The following PRKCZ variants were observed in gnomAD, a reference collection of about 807,000 sequenced individuals.
PRKCZ encodes the protein protein kinase C zeta type.
PRKCZ carries 33 observed loss-of-function variants against 79.5 expected under a neutral mutation model. The observed-to-expected ratio is 0.41, with a 90% CI of 0.31 to 0.55. PRKCZ has a LOEUF of 0.55. Ranked by LOEUF, PRKCZ falls within the 20% of genes least tolerant of loss-of-function variation. The pLI is 0.19. For missense variants in PRKCZ, 578 were observed against 813.5 expected (o/e 0.71, Z 3.52); for synonymous variants, 342 against 320.9 (o/e 1.07, Z -0.70).
intron 4 of PRKCZ, chr1:2,134,930 G>C (rs1349074057): frequency 5.4e-6 from 1 of 186,356 alleles, no homozygotes; most frequent in South Asian, 1.3e-4. Context: ...GGGGACAGAC[G>C]GACCCGGCCT....
chr1:2,134,929 C>T (rs779591423), intron 4 of PRKCZ: 10 of 184,984 alleles, frequency 5.4e-5, no homozygotes, highest in East Asian at 1.4e-4. Flanking sequence ...AGGGGACAGA[C>T]GGACCCGGCC....
upstream of PRKCZ, chr1:2,049,365 C>T (rs1001027851): frequency 6.6e-6 from 1 of 152,214 alleles, no homozygotes; most frequent in Non-Finnish European, 1.5e-5. Context: ...AAAACGACAG[C>T]TTCTGCGTAG....
At chr1:2,076,701 C>T (rs112575142) in intron 4 of PRKCZ, among the ~76,000 whole-genome samples, 2,055 of 151,374 alleles carry the variant, frequency 0.014, 41 homozygotes, top group African/African-American at 0.047. Context: ...AAGATTGCGC[C>T]ACCGCACTCC....
At chr1:2,164,916 A>G (rs1485271021) in intron 10 of PRKCZ, among the ~76,000 whole-genome samples, 1 of 151,892 alleles carries the variant, frequency 6.6e-6, no homozygotes. Flanking sequence ...CCTCTGCTCA[A>G]CTTCACCCCA....
rs111850963 is a variant in PRKCZ, at chr1:2,157,633, T to A, written c.974+1541T>A. ...GTTGGCCAGGCGGGTCTCGAACTCCTGACCTCAAGCCATCTGCCCTCTGCA... is the reference window on the plus strand; with the variant it reads ...GTTGGCCAGGCGGGTCTCGAACTCCAGACCTCAAGCCATCTGCCCTCTGCA... On this transcript the variant is annotated intron_variant, in intron 10 of 17. Transcript: ENST00000378567. Among the ~76,000 whole-genome samples, 264 of 152,030 alleles carry A rather than the reference T, an allele frequency of 1.7e-3. 1 individual carries two copies. Among genetic ancestry groups the A allele is most frequent in the African/African-American group, 6.2e-3 (257 of 41,484 alleles).
chr1:2,122,665 G>A (rs1221555405), intron 4 of PRKCZ, among the ~76,000 whole-genome samples: 2 of 10,182 alleles, frequency 2.0e-4, no homozygotes, highest in African/African-American at 1.5e-3. Context: ...GGTTAGGGTC[G>A]TGGCGGTGGT....
chr1:2,074,120 G>A, intron 4 of PRKCZ: 1 of 1,523,218 alleles, frequency 6.6e-7, no homozygotes, highest in Non-Finnish European at 8.8e-7. Context: ...CCCGGGGAAG[G>A]CGTGCGGCTG....
At chr1:2,103,729 G>A (rs1158114297) in intron 4 of PRKCZ, among the ~76,000 whole-genome samples, 6 of 152,222 alleles carry the variant, frequency 3.9e-5, no homozygotes, top group Admixed American at 3.3e-4. Context: ...AAGAGAGAGA[G>A]GACTGTCTAG....
intron 4 of PRKCZ, among the ~76,000 whole-genome samples, chr1:2,065,487 G>A (rs951700774): frequency 4.6e-5 from 7 of 152,202 alleles, no homozygotes; most frequent in African/African-American, 1.4e-4. Flanking sequence ...GATCGTCCTG[G>A]TTAACACAGT....
chr1:2,050,319 C>T (rs1472945433), upstream of PRKCZ, among the ~76,000 whole-genome samples: 2 of 151,516 alleles, frequency 1.3e-5, no homozygotes, highest in East Asian at 3.9e-4. Flanking sequence ...AGGTGGCGGC[C>T]CCGCCTCGCC....
intron 7 of PRKCZ, among the ~76,000 whole-genome samples, chr1:2,148,433 A>G (rs1239667033): frequency 3.3e-5 from 5 of 151,226 alleles, no homozygotes; most frequent in African/African-American, 7.3e-5. Context: ...CTCTCCATCT[A>G]TCCATCCATC....
intron 4 of PRKCZ, among the ~76,000 whole-genome samples, chr1:2,081,120 A>AGAGG (rs1215230086): frequency 2.0e-5 from 3 of 152,218 alleles, no homozygotes; most frequent in Admixed American, 2.0e-4. Context: ...CCCACACCTA[A>AGAGG]GAGGTGAGGA....
At chr1:2,089,579 G>A (rs573234733) in intron 4 of PRKCZ, among the ~76,000 whole-genome samples, 6 of 152,274 alleles carry the variant, frequency 3.9e-5, no homozygotes, top group African/African-American at 1.2e-4. Context: ...TAAAGGGGAC[G>A]AACAAACACT....
rs1240438862 is a variant in PRKCZ, at chr1:2,173,874, G to T, written c.1286-23G>T. On this transcript the variant is annotated intron_variant, in intron 13 of 17. Coordinates refer to ENST00000378567, the MANE Select transcript of PRKCZ (RefSeq NM_002744.6). The surrounding 1 kb of genome is among the most constrained non-coding windows in gnomAD (Gnocchi z 5.7). Reference sequence around the variant, plus strand: ...GCCGGCCCATGTGGCCCCACTCGGTGATGGCTGTGTGCTCTCCCCCAGGGT... The same window carrying T: ...GCCGGCCCATGTGGCCCCACTCGGTTATGGCTGTGTGCTCTCCCCCAGGGT... The T allele has an allele frequency of 3.8e-6, 6 of 1,565,662 alleles. No individual in the cohort carries two copies. The highest frequency in any genetic ancestry group is 5.2e-6 in the Non-Finnish European group (6 of 1,152,754).
At chr1:2,050,902 C>T (rs1659577296) in intron 1 of PRKCZ, 2 of 386,464 alleles carry the variant, frequency 5.2e-6, no homozygotes, top group Admixed American at 4.6e-5. Context: ...GGCTCCTTCC[C>T]CGGGACCGGG....
At position 2,148,928 on chromosome 1, in the gene PRKCZ, A is replaced by T. The variant is rs1426047046; in HGVS notation, c.687+4A>T. 2.5e-6 allele frequency: 4 copies of T among 1,613,498 alleles called. No individual in the cohort carries two copies. Among genetic ancestry groups the T allele is most frequent in the South Asian group, 1.1e-5 (1 of 91,064 alleles). ...CAGCATTAAAGACGACTCGGAGGTG[A>T]GTGTGTGGAGCAGCTCGCTGCCATT... is the stretch of plus-strand genomic sequence containing the variant. On this transcript the variant is annotated splice_donor_region_variant and intron_variant, in intron 8 of 17. Transcript: ENST00000378567.
rs1557613027 is a variant in PRKCZ, at chr1:2,121,677, G to GGTCGTGGTGGTAGTTAT, written c.335-13585_335-13584insGTCGTGGTGGTAGTTAT. 1.5e-4 allele frequency among the ~76,000 whole-genome samples: 17 copies of GGTCGTGGTGGTAGTTAT among 113,630 alleles called. 1 individual carries two copies. Among genetic ancestry groups the GGTCGTGGTGGTAGTTAT allele is most frequent in the Non-Finnish European group, 2.3e-4 (13 of 55,570 alleles). The allele number at this position is 113,630 out of a possible 152,430, so 74.5% of individuals were successfully genotyped here. A position where few individuals can be genotyped will look rare whatever the true frequency, so the allele number is the denominator to read the frequency against. On this transcript the variant is annotated intron_variant, in intron 4 of 17. Transcript: ENST00000378567. ...GGTGGTGGTTAGGGTCGTGGTGGTG[G>GGTCGTGGTGGTAGTTAT]TTAGGGTCACGGTGGTGGTTAGGGT...
chr1:2,175,041 A>G (rs1277758621), intron 15 of PRKCZ, among the ~76,000 whole-genome samples, 183 bp from the exon 16 acceptor site: 3 of 152,198 alleles, frequency 2.0e-5, no homozygotes, highest in Admixed American at 6.5e-5. Flanking sequence ...GTGCCCAAGG[A>G]AAATGGAACG....
Position 2,166,049 on chromosome 1 carries a change from C to T in PRKCZ, c.975-3469C>T, listed in dbSNP as rs188478365. ...CTGCGGTCTGCGTCTCGCCTGGTTC[C>T]TGAGAGCTGCACTTTGTCTTTGGTT... On this transcript the variant is annotated intron_variant, in intron 10 of 17. Coordinates refer to ENST00000378567, the MANE Select transcript of PRKCZ (RefSeq NM_002744.6). Among the ~76,000 whole-genome samples, 11 of 152,342 alleles carry T rather than the reference C, an allele frequency of 7.2e-5. No homozygotes were observed. In the East Asian group the frequency reaches 1.7e-3, roughly 24 times the overall value.
Sources: gnomAD v4.1 joint callset for allele counts (sites outside exome capture counted in the v4.1 genomes callset) on GRCh38, gnomAD v4.1.1 for gene constraint, Gnocchi (gnomAD v3.1) non-coding constraint, MANE v1.5 for transcripts, NCBI Gene and HGNC (gene_info 2026-07-23, HGNC 2026-07-21) for gene names.